Variants in COL6A6 observed in about 807,000 individuals in gnomAD.
COL6A6 encodes collagen alpha-6(VI) chain.
In COL6A6, 183 loss-of-function variants were observed where a neutral mutation model predicts 208.6. The observed-to-expected ratio is 0.88, with a 90% CI of 0.78 to 0.99. COL6A6 has a LOEUF of 0.99. Among genes scored for constraint, COL6A6 ranks in the 50% least tolerant of loss-of-function variants. The probability of loss-of-function intolerance (pLI) is 0.00; values close to 1 mark genes in which losing one functional copy is unlikely to be tolerated. For missense variants in COL6A6, 2,816 were observed against 2,815.2 expected (o/e 1.00, Z -0.01); for synonymous variants, 973 against 1,011.8 (o/e 0.96, Z 0.73).
chr3:130,546,138 A>G (rs565368750), intron 1 of COL6A6, among the ~76,000 whole-genome samples: 1 of 152,310 alleles, frequency 6.6e-6, no homozygotes, highest in East Asian at 1.9e-4. Flanking sequence ...GACTTCAAGA[A>G]TGAAGCCCCG....
At chr3:130,579,809 G>A (rs144109214) in intron 8 of COL6A6, among the ~76,000 whole-genome samples, 2 of 152,264 alleles carry the variant, frequency 1.3e-5, no homozygotes, top group Non-Finnish European at 2.9e-5. Flanking sequence ...ATGTCTCAGT[G>A]GAGTTTTTAG....
At chr3:130,642,467 G>A (rs915426606) in intron 29 of COL6A6, among the ~76,000 whole-genome samples, 1 of 152,200 alleles carries the variant, frequency 6.6e-6, no homozygotes, top group Non-Finnish European at 1.5e-5. Context: ...GAGGGCAACT[G>A]CACATGTGTG....
chr3:130,552,089 G>A (rs2062656263), intron 1 of COL6A6, among the ~76,000 whole-genome samples: 1 of 152,172 alleles, frequency 6.6e-6, no homozygotes, highest in Admixed American at 6.5e-5. Context: ...TATGTGCCAT[G>A]TGGTGATGAA....
intron 29 of COL6A6, among the ~76,000 whole-genome samples, chr3:130,642,318 C>A (rs896829323): frequency 2.0e-5 from 3 of 147,822 alleles, no homozygotes; most frequent in Non-Finnish European, 4.4e-5. Flanking sequence ...GTTGAGATAA[C>A]CTTTCCAGAT....
At chr3:130,654,071 T>C (rs550441802) in intron 33 of COL6A6, among the ~76,000 whole-genome samples, 17 of 152,330 alleles carry the variant, frequency 1.1e-4, no homozygotes, top group African/African-American at 3.8e-4. Context: ...GTTTGGGCAA[T>C]GTCTTGAGAA....
chr3:130,657,056 G>T (rs1397526967), intron 33 of COL6A6, among the ~76,000 whole-genome samples: 1 of 152,248 alleles, frequency 6.6e-6, no homozygotes, highest in Non-Finnish European at 1.5e-5. Context: ...TCCCAGGAGG[G>T]CAGGGCCCCT....
chr3:130,521,486 C>A (rs888801019), intron 1 of COL6A6, among the ~76,000 whole-genome samples: 2 of 152,200 alleles, frequency 1.3e-5, no homozygotes, highest in Admixed American at 1.3e-4. Context: ...TGTTTACTTT[C>A]ACATTTTCTC....
chr3:130,586,445 TGCA>T, intron 10 of COL6A6, 58 bp from the exon 11 acceptor site: 1 of 1,473,936 alleles, frequency 6.8e-7, no homozygotes, highest in Non-Finnish European at 9.2e-7. Context: ...TAAATATGCT[TGCA>T]AAAAACTAAA....
At chr3:130,658,301 G>A (rs931881293) in intron 33 of COL6A6, among the ~76,000 whole-genome samples, 1 of 152,158 alleles carries the variant, frequency 6.6e-6, no homozygotes, top group African/African-American at 2.4e-5. Flanking sequence ...TGGGGATGAT[G>A]AGCATAACTC....
intron 33 of COL6A6, 148 bp from the exon 34 acceptor site, chr3:130,658,528 T>C (rs931663595): frequency 4.9e-6 from 3 of 607,558 alleles, no homozygotes; most frequent in Non-Finnish European, 5.9e-6. Flanking sequence ...CAGACAGAGC[T>C]CTTAGCCATG....
In COL6A6 at chr3:130,566,984, C is replaced by G. The variant is rs375571886; in HGVS notation, c.1565C>G (p.Thr522Arg). The change falls in exon 5 of 37, where the codon ACA becomes AGA. Residue 522 changes from threonine (T) to arginine (R), a missense_variant. Physicochemically the swap from Thr to Arg is moderately conservative, Grantham distance 71. Transcript: ENST00000358511. ...NTNTGAALNFTLSLLQKAKKQ... is the reference protein window; with the variant it reads ...NTNTGAALNFRLSLLQKAKKQ... ...AACACAGGCGCAGCACTGAATTTCA[C>G]ACTGAGTCTGTTGCAAAAAGCAAAG... is the stretch of plus-strand genomic sequence containing the variant. 9.3e-6 allele frequency: 15 copies of G among 1,614,054 alleles called. No individual in the cohort carries two copies. The African/African-American group carries it at 1.7e-4, about 19-fold the overall frequency.
chr3:130,614,140 G>A (rs2064440738), intron 23 of COL6A6, among the ~76,000 whole-genome samples: 1 of 152,062 alleles, frequency 6.6e-6, no homozygotes, highest in Admixed American at 6.5e-5. Context: ...TATGATATTA[G>A]CTGTGAGTCA....
chr3:130,577,222 G>A (rs2063318492), intron 8 of COL6A6, among the ~76,000 whole-genome samples: 1 of 152,150 alleles, frequency 6.6e-6, no homozygotes, highest in Admixed American at 6.6e-5. Flanking sequence ...TGGAAACTGG[G>A]GTTCAAGGGA....
chr3:130,532,721 A>G (rs897124176), intron 1 of COL6A6, among the ~76,000 whole-genome samples: 7 of 152,222 alleles, frequency 4.6e-5, no homozygotes, highest in Non-Finnish European at 7.3e-5. Context: ...GTAGTGGCCT[A>G]AAAACAATGT....
At position 130,662,272 on chromosome 3, in the gene COL6A6, G is replaced by A. The variant is rs374719989; in HGVS notation, c.6466G>A (p.Val2156Met). ...TCATAAACCTGACCACAGTTATGGT[G>A]TGAAGTTTGTGAAGTCCTTTATAAA... ...RIHKPDHSYG[V>M]KFVKSFINSI... Residue 2156 changes from valine to methionine, a missense_variant, in exon 35 of 37, where the codon GTG becomes ATG. Coordinates refer to ENST00000358511, the MANE Select transcript of COL6A6 (RefSeq NM_001102608.3). 1.2e-5 allele frequency: 20 copies of A among 1,613,798 alleles called. No individual in the cohort carries two copies. In the African/African-American group the frequency reaches 1.9e-4, roughly 15 times the overall value.
chr3:130,622,317 G>A (rs185586001), intron 24 of COL6A6, among the ~76,000 whole-genome samples: 3 of 151,166 alleles, frequency 2.0e-5, no homozygotes, highest in Non-Finnish European at 4.4e-5. Flanking sequence ...AGCTCCAGGA[G>A]AGACATCTTT....
At chr3:130,595,976 A>G (rs191985657) in intron 18 of COL6A6, among the ~76,000 whole-genome samples, 2 of 152,352 alleles carry the variant, frequency 1.3e-5, no homozygotes, top group East Asian at 3.9e-4. Context: ...TATAAAAAGC[A>G]ATACCAAGTG....
At position 130,649,114 on chromosome 3, in the gene COL6A6, T is replaced by A; in HGVS notation, c.5285T>A (p.Leu1762Gln). The A allele has an allele frequency of 6.3e-7, 1 of 1,577,950 alleles. No individual in the cohort carries two copies. Among genetic ancestry groups the A allele is most frequent in the African/African-American group, 1.3e-5 (1 of 74,150 alleles). Residue 1762 changes from leucine to glutamine, a missense_variant, in exon 33 of 37, where the codon CTG (leucine) becomes CAG (glutamine). Leu to Gln is a moderately radical substitution (Grantham distance 113). Coordinates refer to ENST00000358511, the MANE Select transcript of COL6A6 (RefSeq NM_001102608.3). The stretch of plus-strand genomic sequence containing the variant: ...CACCCAACCGAGTTGGTGTTTGCCC[T>A]GGACCACTCCCGGGATGTCACTGAG... ...PVHPTELVFA[L>Q]DHSRDVTEQE...
In COL6A6 at chr3:130,610,730, G is replaced by T. The variant is rs2064332608; in HGVS notation, c.4815+19G>T. 19 of 1,538,082 alleles carry T rather than the reference G, an allele frequency of 1.2e-5. No homozygotes were observed. The East Asian group carries it at 4.0e-4, about 32-fold the overall frequency. The stretch of plus-strand genomic sequence containing the variant: ...TCCCCAGGTATGTAATGAGAAAAAT[G>T]ATTGCATCTGACTTTGATCTTGGCT... On this transcript the variant is annotated intron_variant, in intron 23 of 36. Transcript: ENST00000358511.
Sources: allele counts gnomAD v4.1 joint callset (sites outside exome capture counted in the v4.1 genomes callset), GRCh38; gene constraint gnomAD v4.1.1; transcripts MANE v1.5; gene names NCBI Gene and HGNC (gene_info 2026-07-23, HGNC 2026-07-21).